Variants in VPS13D observed in about 807,000 individuals in gnomAD.
VPS13D encodes the protein vacuolar protein sorting 13 homolog D.
Under a neutral mutation model 461.9 loss-of-function variants are expected in VPS13D, and 187 were observed. That is an observed-to-expected ratio of 0.40 (90% CI 0.36 to 0.46). The LOEUF (loss-of-function observed/expected upper bound fraction) is 0.46, where lower values mean the gene tolerates loss of function less well. VPS13D is among the 20% of genes least tolerant of loss of function. The pLI is 0.60. For synonymous variants in VPS13D, 1,951 were observed against 1,986.3 expected (o/e 0.98, Z 0.47); for missense variants, 4,711 against 5,364.9 (o/e 0.88, Z 3.81).
chr1:12,501,526 A>G (rs1486962677), intron 68 of VPS13D, among the ~76,000 whole-genome samples: 1 of 152,232 alleles, frequency 6.6e-6, no homozygotes, highest in South Asian at 2.1e-4. Context: ...GAAGTTTTCA[A>G]CTTTCCTACT....
chr1:12,304,692 C>T lies in VPS13D; in HGVS notation c.6403C>T (p.Pro2135Ser), dbSNP rs1230757443. The T allele has an allele frequency of 1.2e-6, 2 of 1,613,918 alleles. No individual in the cohort carries two copies. The highest frequency in any genetic ancestry group is 8.5e-7 in the Non-Finnish European group (1 of 1,180,016). Residue 2135 changes from proline (P) to serine (S), a missense_variant, in exon 26 of 70, where the codon CCC becomes TCC. This residue lies in a region of VPS13D where 4,411 missense variants were observed against 4,937.8 expected (regional missense o/e 0.89). Coordinates refer to ENST00000620676, the MANE Select transcript of VPS13D (RefSeq NM_015378.4). ...CTCCACCAAGCAGCAAGGGCCGCAACCCACACTGTCTGTTGGCCAAGAGTC... is the reference window on the plus strand; with the variant it reads ...CTCCACCAAGCAGCAAGGGCCGCAATCCACACTGTCTGTTGGCCAAGAGTC... Reference protein sequence around the residue: ...STSTKQQGPQPTLSVGQESSS... With the variant: ...STSTKQQGPQSTLSVGQESSS...
In VPS13D at chr1:12,473,065, C is replaced by T. The variant is rs981198105; in HGVS notation, c.12662+12669C>T. On this transcript the variant is annotated intron_variant, in intron 67 of 69. Coordinates refer to ENST00000620676, the MANE Select transcript of VPS13D (RefSeq NM_015378.4). This position sits in a 1 kb window ranked among gnomAD's most constrained non-coding sequence, Gnocchi z 4.2. ...AACATGAAAGAAATAGCACACCCTA[C>T]GGTAGTGACATGGCCCTGTCACCAC... Among the ~76,000 whole-genome samples, 3 of 152,156 alleles carry T rather than the reference C, an allele frequency of 2.0e-5. No individual in the cohort carries two copies. The highest frequency in any genetic ancestry group is 6.5e-5 in the Admixed American group (1 of 15,282).
intron 63 of VPS13D, among the ~76,000 whole-genome samples, chr1:12,414,814 AC>A (rs1644773927): frequency 6.6e-6 from 1 of 152,238 alleles, no homozygotes; most frequent in South Asian, 2.1e-4. Flanking sequence ...ACAAACAGAT[AC>A]AAAACAGACT....
Position 12,323,836 on chromosome 1 carries a change from C to T in VPS13D, c.7990+56C>T, listed in dbSNP as rs1204328777. 5.1e-6 allele frequency: 8 copies of T among 1,558,868 alleles called. No homozygotes were observed. In the African/African-American group the frequency reaches 1.1e-4, roughly 21 times the overall value. ...TTTATCTTGATGATATGCTTCCTTC[C>T]CATTTCCTCTCTTACTTCCACAAGG... On this transcript the variant is annotated intron_variant, in intron 35 of 69. Coordinates refer to ENST00000620676, the MANE Select transcript of VPS13D (RefSeq NM_015378.4).
intron 46 of VPS13D, among the ~76,000 whole-genome samples, chr1:12,353,106 T>C (rs984579903): frequency 6.6e-6 from 1 of 151,646 alleles, no homozygotes. Context: ...AAAAACCAAT[T>C]GGCTATCAAG....
intron 21 of VPS13D, among the ~76,000 whole-genome samples, chr1:12,287,867 A>G (rs1005657301): frequency 6.6e-6 from 1 of 152,216 alleles, no homozygotes; most frequent in African/African-American, 2.4e-5. Context: ...AAATTTATCA[A>G]AATGAGATTT....
At chr1:12,262,885 G>A (rs1641154844) in intron 13 of VPS13D, among the ~76,000 whole-genome samples, 1 of 151,896 alleles carries the variant, frequency 6.6e-6, no homozygotes, top group Admixed American at 6.6e-5. Context: ...TGTATTTTTA[G>A]TGGAGACAAG....
At chr1:12,414,606 G>A (rs986698975) in intron 63 of VPS13D, among the ~76,000 whole-genome samples, 1 of 152,188 alleles carries the variant, frequency 6.6e-6, no homozygotes, top group African/African-American at 2.4e-5. Flanking sequence ...TGTCTTTGGG[G>A]AGGAAGGAGG....
chr1:12,278,507 T>A (rs1193303270), intron 19 of VPS13D, among the ~76,000 whole-genome samples: 3 of 152,190 alleles, frequency 2.0e-5, no homozygotes, highest in Non-Finnish European at 4.4e-5. Context: ...ACTCGTGACC[T>A]CAGGTGATCT....
chr1:12,326,714 G>A (rs562076836), intron 35 of VPS13D, among the ~76,000 whole-genome samples: 1 of 151,938 alleles, frequency 6.6e-6, no homozygotes, highest in Non-Finnish European at 1.5e-5. Context: ...TGCAATCTTG[G>A]CTCCCTGCAA....
At chr1:12,491,596 G>T (rs1645882441) in intron 67 of VPS13D, among the ~76,000 whole-genome samples, 1 of 152,122 alleles carries the variant, frequency 6.6e-6, no homozygotes, top group African/African-American at 2.4e-5. Context: ...CTGATCATTG[G>T]TTTTGGGCCT....
At chr1:12,316,962 G>A (rs1054385264) in intron 30 of VPS13D, among the ~76,000 whole-genome samples, 1 of 152,050 alleles carries the variant, frequency 6.6e-6, no homozygotes, top group Non-Finnish European at 1.5e-5. Flanking sequence ...GGGTTTTCAC[G>A]TCAAATGTAG....
intron 68 of VPS13D, chr1:12,499,489 G>C: frequency 6.1e-6 from 6 of 985,390 alleles, no homozygotes; most frequent in Non-Finnish European, 6.0e-6. Flanking sequence ...AGAAGAAATT[G>C]CGTGGTACAG....
In VPS13D at chr1:12,266,872, C is replaced by T. The variant is rs78558974; in HGVS notation, c.1595-9C>T. 3.2e-6 allele frequency: 5 copies of T among 1,560,464 alleles called. No individual in the cohort carries two copies. The South Asian group carries it at 4.8e-5, about 15-fold the overall frequency. On this transcript the variant is annotated splice_polypyrimidine_tract_variant and intron_variant, in intron 13 of 69. Coordinates refer to ENST00000620676, the MANE Select transcript of VPS13D (RefSeq NM_015378.4). ...GCATTGTATCAACTATTTTATTTATCTTTTATAGATGTAAAACTTCTAGCA... is the reference window on the plus strand; with the variant it reads ...GCATTGTATCAACTATTTTATTTATTTTTTATAGATGTAAAACTTCTAGCA...
intron 32 of VPS13D, among the ~76,000 whole-genome samples, chr1:12,320,155 G>A (rs552855842): frequency 7.9e-5 from 12 of 152,348 alleles, no homozygotes; most frequent in Admixed American, 4.6e-4. Context: ...TGAAAGGAGC[G>A]CATGGATAAT....
intron 39 of VPS13D, 155 bp from the exon 40 acceptor site, chr1:12,338,076 T>C: frequency 3.3e-6 from 2 of 613,304 alleles, no homozygotes; most frequent in Non-Finnish European, 5.8e-6. Context: ...AGTACATTCG[T>C]AGTGCTTAGT....
intron 67 of VPS13D, among the ~76,000 whole-genome samples, chr1:12,461,795 A>G (rs763016027): frequency 6.6e-6 from 1 of 152,196 alleles, no homozygotes; most frequent in Non-Finnish European, 1.5e-5. Flanking sequence ...TTTTTTAAAG[A>G]TGATTTTGTG....
At chr1:12,441,227 A>G (rs1014661260) in intron 65 of VPS13D, among the ~76,000 whole-genome samples, 1 of 152,192 alleles carries the variant, frequency 6.6e-6, no homozygotes, top group African/African-American at 2.4e-5. Context: ...GTGCCCAACC[A>G]AGATTTGTTT....
At position 12,276,875 on chromosome 1, in the gene VPS13D, T is replaced by C. The variant is rs1641630987; in HGVS notation, c.3287T>C (p.Leu1096Ser). 1 of 1,614,224 alleles carries C rather than the reference T, an allele frequency of 6.2e-7. No homozygotes were observed. The highest frequency in any genetic ancestry group is 8.5e-7 in the Non-Finnish European group (1 of 1,180,036). Residue 1096 changes from leucine (L) to serine (S), a missense_variant, in exon 19 of 70, where the codon TTA becomes TCA. Physicochemically the swap from Leu to Ser is moderately radical, Grantham distance 145. Transcript: ENST00000620676. The surrounding 1 kb of genome is among the most constrained non-coding windows in gnomAD (Gnocchi z 4.5). ...AGTTCAGAGTGCCCATCGATGAATT[T>C]AGACAGTACTCTTCAGGTGATTTCC... ...FVSSECPSMN[L>S]DSTLQVISLQ...
Sources: gnomAD v4.1 joint callset for allele counts (sites outside exome capture counted in the v4.1 genomes callset) on GRCh38, gnomAD v4.1.1 for gene constraint, gnomAD v4.1.1 regional missense constraint, Gnocchi (gnomAD v3.1) non-coding constraint, MANE v1.5 for transcripts, NCBI Gene and HGNC (gene_info 2026-07-23, HGNC 2026-07-21) for gene names.